CAMTA1: variants seen among roughly 807,000 people sequenced by gnomAD.
The protein encoded by CAMTA1 is calmodulin binding transcription activator 1, also known as calmodulin-binding transcription activator 1.
CAMTA1 carries 27 observed loss-of-function variants against 170.9 expected under a neutral mutation model. The ratio of observed to expected loss-of-function variants is 0.16; its 90% CI spans 0.12 to 0.22. The LOEUF (loss-of-function observed/expected upper bound fraction) is 0.22, where lower values mean the gene tolerates loss of function less well. Among genes scored for constraint, CAMTA1 ranks in the 10% least tolerant of loss-of-function variants. CAMTA1 has a pLI of 1.00. For missense variants in CAMTA1, 1,619 were observed against 2,217.2 expected, an observed-to-expected ratio of 0.73 and a Z score of 5.42; for synonymous variants, 833 against 891.5, an observed-to-expected ratio of 0.93 and a Z score of 1.17.
At chr1:7,273,171 G>A (rs1035782012) in intron 5 of CAMTA1, among the ~76,000 whole-genome samples, 2 of 152,164 alleles carry the variant, frequency 1.3e-5, no homozygotes, top group African/African-American at 4.8e-5. Context: ...TGCTGGTGCT[G>A]CTGTGGAAAA....
At chr1:7,410,959 CTGTGTG>C (rs1022224289) in intron 5 of CAMTA1, among the ~76,000 whole-genome samples, 1 of 149,748 alleles carries the variant, frequency 6.7e-6, no homozygotes, top group African/African-American at 2.5e-5. Context: ...GTGTGTATGT[CTGTGTG>C]TGTATGTGTG....
At chr1:7,274,832 AATATT>A (rs778591586) in intron 5 of CAMTA1, among the ~76,000 whole-genome samples, 1 of 152,312 alleles carries the variant, frequency 6.6e-6, no homozygotes, top group Non-Finnish European at 1.5e-5. Context: ...TAAAAGAAGA[AATATT>A]ATAAAGGAAA....
intron 11 of CAMTA1, among the ~76,000 whole-genome samples, chr1:7,690,758 T>A (rs976872271): frequency 6.6e-6 from 1 of 152,198 alleles, no homozygotes; most frequent in Admixed American, 6.5e-5. Context: ...GTTCCACAGA[T>A]GGGGATGCTC....
intron 5 of CAMTA1, among the ~76,000 whole-genome samples, chr1:7,414,543 C>T (rs1447851109): frequency 2.0e-5 from 3 of 152,122 alleles, no homozygotes; most frequent in Non-Finnish European, 4.4e-5. Flanking sequence ...AGTTTATTTG[C>T]GTAGAGGTGT....
chr1:6,971,577 A>G lies in CAMTA1; in HGVS notation c.235-119727A>G, dbSNP rs1434090396. 6.6e-6 allele frequency among the ~76,000 whole-genome samples: 1 copy of G among 152,098 alleles called. No homozygotes were observed. Among genetic ancestry groups the G allele is most frequent in the African/African-American group, 2.4e-5 (1 of 41,398 alleles). ...CTTCTGGGTAAGTCTCTAACCGAAA[A>G]CTAGATCCACAGGCAGGCCTTTTAT... is the stretch of plus-strand genomic sequence containing the variant. On this transcript the variant is annotated intron_variant, in intron 3 of 22. Coordinates refer to ENST00000303635, the MANE Select transcript of CAMTA1 (RefSeq NM_015215.4). This position sits in a 1 kb window ranked among gnomAD's most constrained non-coding sequence, Gnocchi z 4.6.
rs1393606484 is a variant in CAMTA1 at position 7,044,002 on chromosome 1, A to C, written c.235-47302A>C. Among the ~76,000 whole-genome samples, 1 of 152,184 alleles carries C rather than the reference A, an allele frequency of 6.6e-6. No homozygotes were observed. Among genetic ancestry groups the C allele is most frequent in the Non-Finnish European group, 1.5e-5 (1 of 68,032 alleles). ...GGGAACATTTGGAGGATATAGGTCTAGGGGAGGGTGACTGTATTACCTGGA... is the reference window on the plus strand; with the variant it reads ...GGGAACATTTGGAGGATATAGGTCTCGGGGAGGGTGACTGTATTACCTGGA... On this transcript the variant is annotated intron_variant, in intron 3 of 22. Transcript: ENST00000303635. The surrounding 1 kb of genome is among the most constrained non-coding windows in gnomAD (Gnocchi z 5.0).
intron 4 of CAMTA1, among the ~76,000 whole-genome samples, chr1:7,210,668 C>G (rs1466755942): frequency 6.6e-6 from 1 of 152,114 alleles, no homozygotes; most frequent in East Asian, 1.9e-4. Flanking sequence ...TAATGCATGC[C>G]AGATGGTGAT....
At chr1:7,597,955 T>C (rs1432753428) in intron 6 of CAMTA1, among the ~76,000 whole-genome samples, 1 of 152,008 alleles carries the variant, frequency 6.6e-6, no homozygotes, top group East Asian at 1.9e-4. Context: ...TTTTTTATAC[T>C]TTAAGTTTTA....
chr1:7,599,530 G>C (rs983990171), intron 6 of CAMTA1, among the ~76,000 whole-genome samples: 3 of 152,094 alleles, frequency 2.0e-5, no homozygotes, highest in African/African-American at 7.2e-5. Context: ...TTACCTTGGG[G>C]AGTATGGCCA....
At chr1:7,358,843 G>C (rs2085330145) in intron 5 of CAMTA1, among the ~76,000 whole-genome samples, 1 of 152,142 alleles carries the variant, frequency 6.6e-6, no homozygotes, top group Admixed American at 6.5e-5. Flanking sequence ...TTTATGGATG[G>C]ACAGGGTGGC....
intron 6 of CAMTA1, among the ~76,000 whole-genome samples, chr1:7,624,411 C>T (rs1347500115): frequency 6.6e-6 from 1 of 152,214 alleles, no homozygotes; most frequent in East Asian, 1.9e-4. Context: ...TGGAACAAAT[C>T]ATCCTGGTAT....
chr1:7,415,030 C>T (rs942719502), intron 5 of CAMTA1, among the ~76,000 whole-genome samples: 7 of 151,718 alleles, frequency 4.6e-5, no homozygotes, highest in Non-Finnish European at 8.8e-5. Flanking sequence ...AGTAGTCATT[C>T]AGGAGCAGGT....
At chr1:7,500,271 T>C (rs1257429611) in intron 6 of CAMTA1, among the ~76,000 whole-genome samples, 3 of 141,508 alleles carry the variant, frequency 2.1e-5, no homozygotes, top group Admixed American at 7.1e-5. Context: ...GTGAGCCTGG[T>C]GTGCGTGCAT....
chr1:6,894,170 C>T (rs191349014), intron 3 of CAMTA1, among the ~76,000 whole-genome samples: 2 of 151,206 alleles, frequency 1.3e-5, no homozygotes, highest in Non-Finnish European at 1.5e-5. Context: ...CAGTACCCAC[C>T]CATCTACCCG....
chr1:7,051,018 G>A (rs943654988), intron 3 of CAMTA1, among the ~76,000 whole-genome samples: 2 of 152,176 alleles, frequency 1.3e-5, no homozygotes, highest in Non-Finnish European at 2.9e-5. Context: ...GTGGAACGAG[G>A]CCCTGGCCCC....
At chr1:6,931,892 C>T (rs1052653914) in intron 3 of CAMTA1, among the ~76,000 whole-genome samples, 4 of 152,126 alleles carry the variant, frequency 2.6e-5, no homozygotes, top group Non-Finnish European at 5.9e-5. Context: ...GCTTTTCTAC[C>T]ATCGGTCACA....
At chr1:7,366,354 G>A (rs1019474943) in intron 5 of CAMTA1, among the ~76,000 whole-genome samples, 2 of 152,154 alleles carry the variant, frequency 1.3e-5, no homozygotes, top group African/African-American at 4.8e-5. Flanking sequence ...TATTCCACAT[G>A]GACACAGGGG....
intron 3 of CAMTA1, among the ~76,000 whole-genome samples, chr1:7,033,526 A>G (rs534124549): frequency 6.7e-6 from 1 of 148,284 alleles, no homozygotes; most frequent in South Asian, 2.1e-4. Context: ...TTTGTCTTTG[A>G]TTCCAGACAT....
At chr1:7,172,834 G>A (rs1451875100) in intron 4 of CAMTA1, among the ~76,000 whole-genome samples, 6 of 152,346 alleles carry the variant, frequency 3.9e-5, no homozygotes, top group African/African-American at 1.4e-4. Flanking sequence ...GTGAGGGGCA[G>A]TGACGCAAAT....
Sources: allele counts gnomAD v4.1 joint callset (sites outside exome capture counted in the v4.1 genomes callset), GRCh38; gene constraint gnomAD v4.1.1; non-coding constraint Gnocchi (gnomAD v3.1); transcripts MANE v1.5; gene names NCBI Gene and HGNC (gene_info 2026-07-23, HGNC 2026-07-21).